ASIC2: variants seen among roughly 807,000 people sequenced by gnomAD.
The protein encoded by ASIC2 is acid-sensing ion channel 2.
A neutral mutation model predicts 57.3 loss-of-function variants in ASIC2; 25 were observed. The observed-to-expected ratio is 0.44, with a 90% CI of 0.32 to 0.61. The LOEUF is 0.61. ASIC2 is among the 20% of genes least tolerant of loss of function. The pLI, the probability that ASIC2 is intolerant of heterozygous loss-of-function variation, is 0.06. For missense variants in ASIC2, 641 were observed against 738.1 expected (o/e 0.87, Z 1.52); for synonymous variants, 319 against 307.5 (o/e 1.04, Z -0.39).
chr17:33,729,476 C>T (rs1325946492), intron 1 of ASIC2, among the ~76,000 whole-genome samples: 2 of 152,132 alleles, frequency 1.3e-5, no homozygotes, highest in Non-Finnish European at 2.9e-5. Flanking sequence ...TATATCATTA[C>T]CCCGTGTTGG....
intron 3 of ASIC2, among the ~76,000 whole-genome samples, chr17:33,085,320 C>T (rs185889295): frequency 3.3e-4 from 51 of 152,270 alleles, no homozygotes; most frequent in African/African-American, 1.2e-3. Flanking sequence ...GAAAGAATAA[C>T]AAACACTGCT....
chr17:33,130,639 G>A (rs1463706046), intron 1 of ASIC2, among the ~76,000 whole-genome samples: 4 of 152,172 alleles, frequency 2.6e-5, no homozygotes, highest in Non-Finnish European at 4.4e-5. Context: ...ATATTGTCAA[G>A]AGCAGGGGAC....
intron 1 of ASIC2, among the ~76,000 whole-genome samples, chr17:34,047,548 G>GATTACACCAATGGGCCAA (rs1473135208): frequency 7.8e-6 from 1 of 128,982 alleles, no homozygotes; most frequent in Non-Finnish European, 1.6e-5. Context: ...GGAGTATATT[G>GATTACACCAATGGGCCAA]ATTACACCAA....
chr17:33,642,139 G>A (rs775436380), intron 1 of ASIC2, among the ~76,000 whole-genome samples: 5 of 151,702 alleles, frequency 3.3e-5, no homozygotes, highest in Non-Finnish European at 7.4e-5. Flanking sequence ...CAGGCCCATG[G>A]CCCATAAACT....
At chr17:33,765,340 C>G (rs1173441401) in intron 1 of ASIC2, among the ~76,000 whole-genome samples, 1 of 152,150 alleles carries the variant, frequency 6.6e-6, no homozygotes, top group Non-Finnish European at 1.5e-5. Context: ...GACCTCCTGA[C>G]CTCGTGATCC....
At chr17:34,093,692 C>T (rs944822984) in intron 1 of ASIC2, among the ~76,000 whole-genome samples, 2 of 152,212 alleles carry the variant, frequency 1.3e-5, no homozygotes, top group East Asian at 1.9e-4. Context: ...ATTATCTCTA[C>T]CTGGATGTCT....
At chr17:33,115,491 G>A (rs1164397952) in intron 1 of ASIC2, among the ~76,000 whole-genome samples, 1 of 152,126 alleles carries the variant, frequency 6.6e-6, no homozygotes, top group Non-Finnish European at 1.5e-5. Flanking sequence ...CAAACATACT[G>A]GCCTCTTCAG....
intron 1 of ASIC2, among the ~76,000 whole-genome samples, chr17:34,040,362 G>T (rs868538918): frequency 5.5e-5 from 8 of 145,420 alleles, no homozygotes; most frequent in Admixed American, 2.0e-4. Context: ...TAGTGAAACC[G>T]CGTGTTTCCT....
intron 1 of ASIC2, among the ~76,000 whole-genome samples, chr17:33,288,423 C>T (rs185934760): frequency 6.6e-6 from 1 of 151,958 alleles, no homozygotes; most frequent in Non-Finnish European, 1.5e-5. Context: ...GTTCTGTAGA[C>T]CTTGAGTATA....
chr17:33,848,906 CATT>C (rs1414980347), intron 1 of ASIC2, among the ~76,000 whole-genome samples: 1 of 152,186 alleles, frequency 6.6e-6, no homozygotes, highest in Non-Finnish European at 1.5e-5. Context: ...AACAGATAAA[CATT>C]GTTCTGATTC....
chr17:33,147,527 A>C (rs1481645209), intron 1 of ASIC2, among the ~76,000 whole-genome samples: 1 of 152,216 alleles, frequency 6.6e-6, no homozygotes, highest in African/African-American at 2.4e-5. Flanking sequence ...TGTTCTCTCT[A>C]ACAAGTTTCA....
intron 1 of ASIC2, among the ~76,000 whole-genome samples, chr17:33,139,850 C>A (rs1372214135): frequency 6.6e-6 from 1 of 152,172 alleles, no homozygotes; most frequent in Non-Finnish European, 1.5e-5. Flanking sequence ...GAGTGTCAGC[C>A]TGGGTCCTGC....
At chr17:33,546,117 ATATATGTAAATATATATACACATATG>A (rs1161308308) in intron 1 of ASIC2, among the ~76,000 whole-genome samples, 5 of 150,458 alleles carry the variant, frequency 3.3e-5, no homozygotes, top group African/African-American at 9.8e-5. Flanking sequence ...ATGTGCATAT[ATATATGTAAATATATATACACATATG>A]TATATGTAAA....
In ASIC2 at chr17:33,324,967, C is replaced by G. The variant is rs79317069; in HGVS notation, c.556-212900G>C. 8.2e-4 allele frequency among the ~76,000 whole-genome samples: 125 copies of G among 152,320 alleles called. 1 individual carries two copies. The East Asian group carries it at 0.022, about 27-fold the overall frequency. ...GGGATTCCTGCCCAGTCCAGAGCCA[C>G]AACAGATAGAGGAGAGGGGAGGGAA... On this transcript the variant is annotated intron_variant, in intron 1 of 9. Coordinates refer to the ASIC2 transcript ENST00000359872.
chr17:33,658,339 A>T (rs536424361), intron 1 of ASIC2, among the ~76,000 whole-genome samples: 1 of 152,338 alleles, frequency 6.6e-6, no homozygotes, highest in South Asian at 2.1e-4. Context: ...AAGTTTGTGC[A>T]GTCCTCCTTC....
intron 1 of ASIC2, among the ~76,000 whole-genome samples, chr17:34,043,598 A>T (rs1447638375): frequency 6.6e-6 from 1 of 152,240 alleles, no homozygotes; most frequent in Non-Finnish European, 1.5e-5. Flanking sequence ...CAAGGATAAG[A>T]ACTCTGTTAA....
chr17:33,702,949 A>G (rs1908748086), intron 1 of ASIC2, among the ~76,000 whole-genome samples: 2 of 152,164 alleles, frequency 1.3e-5, no homozygotes, highest in Admixed American at 1.3e-4. Context: ...AGATAGTGCT[A>G]AGTTCCATGG....
chr17:33,320,109 C>T (rs1050276126), intron 1 of ASIC2, among the ~76,000 whole-genome samples: 1 of 152,160 alleles, frequency 6.6e-6, no homozygotes, highest in African/African-American at 2.4e-5. Flanking sequence ...CCACACCAGC[C>T]TCAGCAGCAT....
rs558757977 is a variant in ASIC2, at chr17:33,877,145, G to A, written c.555+278833C>T. ...AATAAAAGTCTGATGAGGTGGTGGA[G>A]CCAAGATGGCCGAATAGGAGCTCCA... On this transcript the variant is annotated intron_variant, in intron 1 of 9. Transcript: ENST00000359872. 2.9e-4 allele frequency among the ~76,000 whole-genome samples: 44 copies of A among 152,302 alleles called. 1 individual carries two copies. Among genetic ancestry groups the A allele is most frequent in the African/African-American group, 1.0e-3 (42 of 41,566 alleles).
Sources: gnomAD v4.1 joint callset for allele counts (sites outside exome capture counted in the v4.1 genomes callset) on GRCh38, gnomAD v4.1.1 for gene constraint, MANE v1.5 for transcripts, NCBI Gene and HGNC (gene_info 2026-07-23, HGNC 2026-07-21) for gene names.